Variants in TLK1 observed in about 807,000 individuals in gnomAD.
TLK1 encodes the protein tousled like kinase 1, also known as serine/threonine-protein kinase tousled-like 1.
In TLK1, 24 loss-of-function variants were observed where a neutral mutation model predicts 105.3. The observed-to-expected ratio is 0.23, with a 90% CI of 0.17 to 0.32. TLK1 has a LOEUF of 0.32. TLK1 is among the 10% of genes least tolerant of loss of function. The pLI is 1.00. For synonymous variants in TLK1, 321 were observed against 310.4 expected, an observed-to-expected ratio of 1.03 and a Z score of -0.36; for missense variants, 558 against 910.5, an observed-to-expected ratio of 0.61 and a Z score of 4.98.
chr2:171,039,971 A>T (rs1686579363), intron 11 of TLK1, among the ~76,000 whole-genome samples: 1 of 152,152 alleles, frequency 6.6e-6, no homozygotes, highest in Non-Finnish European at 1.5e-5. Flanking sequence ...ATAAATAAAT[A>T]TGTGGATAAA....
Position 171,130,878 on chromosome 2 carries a change from A to C in TLK1, c.140-13021T>G, listed in dbSNP as rs541079774. On this transcript the variant is annotated intron_variant, in intron 1 of 20. Coordinates refer to ENST00000431350, the MANE Select transcript of TLK1 (RefSeq NM_012290.5). The stretch of plus-strand genomic sequence containing the variant: ...GCTATCAAGACTCCAGGGAATGCCA[A>C]CTTTGGGATCCAGATATATAAATTA... Among the ~76,000 whole-genome samples, 26 of 152,244 alleles carry C rather than the reference A, an allele frequency of 1.7e-4. No homozygotes were observed. In the South Asian group the frequency reaches 3.7e-3, roughly 22 times the overall value.
At chr2:171,084,073 A>G (rs1214540405) in intron 2 of TLK1, among the ~76,000 whole-genome samples, 1 of 152,218 alleles carries the variant, frequency 6.6e-6, no homozygotes, top group Non-Finnish European at 1.5e-5. Flanking sequence ...AATCTCCATG[A>G]ATCCCCCTCA....
intron 5 of TLK1, among the ~76,000 whole-genome samples, chr2:171,057,779 C>T (rs10179210): frequency 6.6e-6 from 1 of 152,038 alleles, no homozygotes; most frequent in Admixed American, 6.5e-5. Flanking sequence ...CCATTTATGC[C>T]TAGTGTTCTA....
At chr2:171,150,509 G>A (rs1279536072) in intron 1 of TLK1, among the ~76,000 whole-genome samples, 1 of 152,166 alleles carries the variant, frequency 6.6e-6, no homozygotes, top group African/African-American at 2.4e-5. Context: ...CCTAACCACA[G>A]CCACCACAGT....
At chr2:171,229,253 T>A (rs891906624) in intron 1 of TLK1, among the ~76,000 whole-genome samples, 1 of 152,184 alleles carries the variant, frequency 6.6e-6, no homozygotes, top group East Asian at 1.9e-4. Context: ...GGAAATCTCA[T>A]GAGCTCACAG....
chr2:171,194,752 G>A (rs1693230723), intron 1 of TLK1, among the ~76,000 whole-genome samples: 1 of 149,978 alleles, frequency 6.7e-6, no homozygotes. Context: ...GGGAGGCGGA[G>A]CTTGCAGTGA....
intron 1 of TLK1, among the ~76,000 whole-genome samples, chr2:171,182,116 G>A (rs1692938457): frequency 6.6e-6 from 1 of 152,090 alleles, no homozygotes; most frequent in South Asian, 2.1e-4. Flanking sequence ...CTGGGAATAG[G>A]GCCATATGGA....
chr2:171,179,433 C>T lies in TLK1; in HGVS notation c.-6+51712G>A, dbSNP rs1397986413. Among the ~76,000 whole-genome samples the T allele has an allele frequency of 2.6e-5, 4 of 152,092 alleles. No individual in the cohort carries two copies. In the East Asian group the frequency reaches 7.7e-4, roughly 29 times the overall value. ...AGAAGGTGTGGATTCCCCAATGCCC[C>T]CTATTTGTCCTCTAGAGAGCTTTCA... On this transcript the variant is annotated intron_variant, in intron 1 of 20. Coordinates refer to the TLK1 transcript ENST00000521943.
chr2:171,013,014 T>A (rs1284650960), intron 13 of TLK1, among the ~76,000 whole-genome samples: 1 of 150,192 alleles, frequency 6.7e-6, no homozygotes, highest in Non-Finnish European at 1.5e-5. Context: ...TCTATTAGAT[T>A]TTTTTTTTTT....
chr2:171,043,445 G>T (rs976434591), intron 11 of TLK1, among the ~76,000 whole-genome samples: 3 of 152,098 alleles, frequency 2.0e-5, no homozygotes, highest in Admixed American at 1.3e-4. Context: ...AGGACTTTTG[G>T]GTTAGATCAT....
chr2:171,111,770 T>C (rs893888858), intron 2 of TLK1, among the ~76,000 whole-genome samples: 20 of 152,094 alleles, frequency 1.3e-4, no homozygotes, highest in African/African-American at 4.8e-4. Flanking sequence ...AAAACAGATA[T>C]GGTAGGGTAA....
rs1043309097 is a variant in TLK1 at position 171,050,011 on chromosome 2, A to G, written c.843+53T>C. The G allele has an allele frequency of 4.3e-6, 7 of 1,610,184 alleles. No homozygotes were observed. In the African/African-American group the frequency reaches 5.4e-5, roughly 12 times the overall value. On this transcript the variant is annotated intron_variant, in intron 9 of 20. Coordinates refer to ENST00000431350, the MANE Select transcript of TLK1 (RefSeq NM_012290.5). ...TTCATTAATTTATAAAAGCATACAA[A>G]GCAAAAGGGGCTAATGAAGGGAAAG...
At chr2:171,041,485 G>C (rs1686673070) in intron 11 of TLK1, among the ~76,000 whole-genome samples, 1 of 152,216 alleles carries the variant, frequency 6.6e-6, no homozygotes, top group Admixed American at 6.5e-5. Context: ...AACAGGTGGT[G>C]AGCAGCGGGC....
In TLK1 at chr2:171,160,674, CAGAGGAGAGGA is replaced by C. The variant is rs945180927; in HGVS notation, c.-257_-247del. Reference sequence around the variant, plus strand: ...GAAGCGAGGGAGCGAGCGGGCGCGCCAGAGGAGAGGAGGAGGAAAGGAGCGCGGCGGCGGAG... The same window carrying C: ...GAAGCGAGGGAGCGAGCGGGCGCGCCGGAGGAAAGGAGCGCGGCGGCGGAG... On this transcript the variant is annotated 5_prime_UTR_variant, in exon 1 of 21. Transcript: ENST00000431350. The surrounding 1 kb of genome is among the most constrained non-coding windows in gnomAD (Gnocchi z 4.4). 6.8e-5 allele frequency: 39 copies of C among 576,216 alleles called. No homozygotes were observed. The highest frequency in any genetic ancestry group is 1.0e-4 in the Non-Finnish European group (37 of 354,112). The allele number at this position is 576,216 out of a possible 1,614,324, so 35.7% of individuals were successfully genotyped here.
intron 1 of TLK1, among the ~76,000 whole-genome samples, chr2:171,223,970 C>T (rs1388656092): frequency 6.6e-6 from 1 of 151,998 alleles, no homozygotes; most frequent in East Asian, 1.9e-4. Context: ...TCTTATCTGT[C>T]TATTTTTGCT....
intron 1 of TLK1, chr2:171,159,872 G>C (rs910680421): frequency 6.2e-6 from 1 of 160,686 alleles, no homozygotes; most frequent in East Asian, 1.8e-4. Context: ...AGGGGAGGGG[G>C]CTCGAGGACG....
chr2:171,115,171 TTTC>T (rs1558949859), intron 2 of TLK1, among the ~76,000 whole-genome samples: 2 of 73,948 alleles, frequency 2.7e-5, no homozygotes, highest in African/African-American at 7.9e-5. Flanking sequence ...TAAGAATTTC[TTTC>T]TTTTTTTTTT....
At position 171,014,843 on chromosome 2, in the gene TLK1, T is replaced by C; in HGVS notation, c.1334+8A>G. ...ATATGAAACTGTGAAATGCAAATAATGACTTACTGTGAATTATCTTCATTG... is the reference window on the plus strand; with the variant it reads ...ATATGAAACTGTGAAATGCAAATAACGACTTACTGTGAATTATCTTCATTG... On this transcript the variant is annotated splice_region_variant and intron_variant, in intron 13 of 20. Coordinates refer to ENST00000431350, the MANE Select transcript of TLK1 (RefSeq NM_012290.5). 2 of 1,597,352 alleles carry C rather than the reference T, an allele frequency of 1.3e-6. No homozygotes were observed. The highest frequency in any genetic ancestry group is 1.7e-6 in the Non-Finnish European group (2 of 1,165,684).
At chr2:171,057,014 T>C (rs1319898874) in intron 5 of TLK1, among the ~76,000 whole-genome samples, 6 of 152,048 alleles carry the variant, frequency 3.9e-5, no homozygotes, top group African/African-American at 1.4e-4. Context: ...ATTCTCAAGA[T>C]ACCCAAGTGT....
Sources: allele counts gnomAD v4.1 joint callset (sites outside exome capture counted in the v4.1 genomes callset), GRCh38; gene constraint gnomAD v4.1.1; non-coding constraint Gnocchi (gnomAD v3.1); transcripts MANE v1.5; gene names NCBI Gene and HGNC (gene_info 2026-07-23, HGNC 2026-07-21).